KCND3: variants seen among roughly 807,000 people sequenced by gnomAD.
The protein encoded by KCND3 is potassium voltage-gated channel subfamily D member 3.
KCND3 carries 9 observed loss-of-function variants against 51.1 expected under a neutral mutation model. The ratio of observed to expected loss-of-function variants is 0.18; its 90% CI spans 0.11 to 0.31. The LOEUF is 0.31. Among genes scored for constraint, KCND3 ranks in the 10% least tolerant of loss-of-function variants. KCND3 has a pLI of 1.00. For missense variants in KCND3, 526 were observed against 903.8 expected (o/e 0.58, Z 5.36); for synonymous variants, 349 against 368.0 (o/e 0.95, Z 0.59).
intron 2 of KCND3, among the ~76,000 whole-genome samples, chr1:111,813,581 A>G (rs1382085908): frequency 6.6e-6 from 1 of 152,230 alleles, no homozygotes. Flanking sequence ...TAGCTGTCTT[A>G]GGCTCGCCTA....
chr1:111,833,221 C>T (rs1258971251), intron 2 of KCND3, among the ~76,000 whole-genome samples: 1 of 152,238 alleles, frequency 6.6e-6, no homozygotes, highest in Admixed American at 6.5e-5. Context: ...AGCAAACTTG[C>T]TAGAGATACT....
intron 1 of KCND3, among the ~76,000 whole-genome samples, chr1:111,987,236 G>A (rs1675331153): frequency 6.6e-6 from 1 of 152,046 alleles, no homozygotes; most frequent in African/African-American, 2.4e-5. Context: ...TCTACCCTAA[G>A]CCAATCTCCA....
intron 2 of KCND3, among the ~76,000 whole-genome samples, chr1:111,867,270 G>A (rs1571766130): frequency 6.6e-6 from 1 of 152,240 alleles, no homozygotes; most frequent in East Asian, 1.9e-4. Flanking sequence ...AGGTACCTTG[G>A]CATGCCTGAT....
intron 2 of KCND3, among the ~76,000 whole-genome samples, chr1:111,809,466 A>G (rs969164053): frequency 3.3e-5 from 5 of 151,224 alleles, no homozygotes; most frequent in Non-Finnish European, 7.4e-5. Context: ...CCACCACCAC[A>G]CCCGGCTAAT....
At position 111,777,140 on chromosome 1, in the gene KCND3, C is replaced by T. The variant is rs1235071962; in HGVS notation, c.1652G>A (p.Ser551Asn). 1.9e-6 allele frequency: 3 copies of T among 1,614,164 alleles called. 1 individual carries two copies. The highest frequency in any genetic ancestry group is 3.3e-4 in the Middle Eastern group (2 of 6,058). The change falls in exon 7 of 8, where the codon AGT becomes AAT. Residue 551 changes from serine (S) to asparagine (N), a missense_variant. Physicochemically the swap from Ser to Asn is conservative, Grantham distance 46. This residue lies in a region of KCND3 where 266 missense variants were observed against 305.5 expected (regional missense o/e 0.87). Transcript: ENST00000302127. ...ATTGGGCAGGTGTGTGGTCTTCTTA[C>T]TACGACGGGAGCAGCAGGTGGTAGT... ...GLTTTCCSRR[S>N]KKTTHLPNSN... is the part of the protein sequence containing the mutation.
chr1:111,915,026 T>G (rs1483436327), intron 2 of KCND3, among the ~76,000 whole-genome samples: 5 of 152,196 alleles, frequency 3.3e-5, no homozygotes, highest in Admixed American at 6.5e-5. Context: ...AAGTTTTTTA[T>G]AGTATACATG....
intron 2 of KCND3, among the ~76,000 whole-genome samples, chr1:111,874,603 C>T (rs1668967156): frequency 6.6e-6 from 1 of 152,148 alleles, no homozygotes; most frequent in Admixed American, 6.5e-5. Context: ...GATTTATTTT[C>T]CTACTATTTT....
chr1:111,834,136 G>T (rs1419814947), intron 2 of KCND3, among the ~76,000 whole-genome samples: 1 of 152,160 alleles, frequency 6.6e-6, no homozygotes, highest in African/African-American at 2.4e-5. Flanking sequence ...CAGTGAAGGG[G>T]GTTACAGATC....
intron 2 of KCND3, among the ~76,000 whole-genome samples, chr1:111,833,820 A>G (rs985083368): frequency 2.6e-5 from 4 of 152,218 alleles, no homozygotes; most frequent in Non-Finnish European, 1.5e-5. Flanking sequence ...GTGGTGGTTA[A>G]AAACCTTTAA....
intron 2 of KCND3, among the ~76,000 whole-genome samples, chr1:111,969,658 CATT>C (rs372403913): frequency 2.8e-4 from 43 of 152,344 alleles, no homozygotes; most frequent in Admixed American, 5.2e-4. Context: ...TTATTGCTGT[CATT>C]GTTGTTGTTA....
intron 2 of KCND3, among the ~76,000 whole-genome samples, chr1:111,979,025 C>T (rs987324707): frequency 6.6e-6 from 1 of 152,190 alleles, no homozygotes; most frequent in Non-Finnish European, 1.5e-5. Flanking sequence ...TTAAGGAAGA[C>T]ACTACTAAAG....
chr1:111,785,499 G>C (rs1664564883), intron 3 of KCND3, among the ~76,000 whole-genome samples: 1 of 152,082 alleles, frequency 6.6e-6, no homozygotes, highest in Non-Finnish European at 1.5e-5. Context: ...TCTTAAGGTG[G>C]CAACTTAACA....
intron 2 of KCND3, among the ~76,000 whole-genome samples, chr1:111,866,268 T>TA (rs536858727): frequency 0.66 from 84,452 of 127,988 alleles, 27,325 homozygotes; most frequent in Middle Eastern, 0.79. Flanking sequence ...CTTTTCTTTT[T>TA]TTTTTTTTTT....
Position 111,775,819 on chromosome 1 carries a change from A to ACCCCCCCCCCCCCCCCCCCCCCCCCCCCC in KCND3, c.*257_*258insGGGGGGGGGGGGGGGGGGGGGGGGGGGGG. ...GCCTATATCCCCCGGCCTATCCCCG[A>ACCCCCCCCCCCCCCCCCCCCCCCCCCCCC]CCCCCCCACCCTCCCTCCCTTCCTC... On this transcript the variant is annotated 3_prime_UTR_variant, in exon 8 of 8. Coordinates refer to ENST00000302127, the MANE Select transcript of KCND3 (RefSeq NM_001378969.1). 4 of 97,706 alleles carry ACCCCCCCCCCCCCCCCCCCCCCCCCCCCC rather than the reference A, an allele frequency of 4.1e-5. 2 individuals are homozygous for ACCCCCCCCCCCCCCCCCCCCCCCCCCCCC. Among genetic ancestry groups the ACCCCCCCCCCCCCCCCCCCCCCCCCCCCC allele is most frequent in the Non-Finnish European group, 7.8e-5 (4 of 51,262 alleles). The allele number at this position is 97,706 out of a possible 1,614,324, so 6.1% of individuals were successfully genotyped here. A position where few individuals can be genotyped will look rare whatever the true frequency, so the allele number is the denominator to read the frequency against.
At chr1:111,888,126 G>C (rs1669652937) in intron 2 of KCND3, among the ~76,000 whole-genome samples, 2 of 152,240 alleles carry the variant, frequency 1.3e-5, no homozygotes, top group Admixed American at 6.5e-5. Context: ...AGACCAGCTG[G>C]AGCCCTAACT....
chr1:111,942,751 G>A lies in KCND3; in HGVS notation c.1106+38870C>T, dbSNP rs556616586. On this transcript the variant is annotated intron_variant, in intron 2 of 7. Transcript: ENST00000302127. ...TGAGATGTGTTAGGGAGAAAATAAAGCAGGAAAGGGGGTGGAGCTTCCATT... is the reference window on the plus strand; with the variant it reads ...TGAGATGTGTTAGGGAGAAAATAAAACAGGAAAGGGGGTGGAGCTTCCATT... Among the ~76,000 whole-genome samples, 3 of 152,316 alleles carry A rather than the reference G, an allele frequency of 2.0e-5. No homozygotes were observed. The East Asian group carries it at 5.8e-4, about 29-fold the overall frequency.
intron 2 of KCND3, among the ~76,000 whole-genome samples, chr1:111,947,964 A>G (rs1256635034): frequency 6.6e-6 from 1 of 152,188 alleles, no homozygotes; most frequent in Non-Finnish European, 1.5e-5. Flanking sequence ...AGGGTCAGGT[A>G]AGCAGTCAGG....
At chr1:111,809,138 G>T (rs935560064) in intron 2 of KCND3, among the ~76,000 whole-genome samples, 6 of 152,172 alleles carry the variant, frequency 3.9e-5, no homozygotes, top group African/African-American at 1.2e-4. Flanking sequence ...AGGAGCTATG[G>T]GTGGGCCCTG....
chr1:111,791,276 T>G (rs1664812433), intron 2 of KCND3, among the ~76,000 whole-genome samples: 1 of 152,220 alleles, frequency 6.6e-6, no homozygotes, highest in African/African-American at 2.4e-5. Context: ...ATTTTTCTGA[T>G]GGCTGATGAT....
Sources: gnomAD v4.1 joint callset for allele counts (sites outside exome capture counted in the v4.1 genomes callset) on GRCh38, gnomAD v4.1.1 for gene constraint, gnomAD v4.1.1 regional missense constraint, MANE v1.5 for transcripts, NCBI Gene and HGNC (gene_info 2026-07-23, HGNC 2026-07-21) for gene names.